Variants in DIAPH3 observed in about 807,000 individuals in gnomAD.
DIAPH3 encodes the protein protein diaphanous homolog 3.
DIAPH3 carries 117 observed loss-of-function variants against 144.3 expected under a neutral mutation model. The observed-to-expected ratio is 0.81, with a 90% CI of 0.70 to 0.95. The LOEUF is 0.95. DIAPH3 is among the 40% of genes least tolerant of loss of function. DIAPH3 has a pLI of 0.00. For synonymous variants in DIAPH3, 519 were observed against 488.9 expected (o/e 1.06, Z -0.81); for missense variants, 1,421 against 1,412.7 (o/e 1.01, Z -0.09).
rs1258027390 is a variant in DIAPH3, at chr13:59,999,439, T to G, written c.1015-6856A>C. Among the ~76,000 whole-genome samples the G allele has an allele frequency of 3.3e-5, 5 of 152,178 alleles. No homozygotes were observed. In the East Asian group the frequency reaches 9.6e-4, roughly 29 times the overall value. Reference sequence around the variant, plus strand: ...ATGAAATCCACAGATTGAAGAGTTTTTTTTTAAGTTAAGGAAAAATTTAAC... The same window carrying G: ...ATGAAATCCACAGATTGAAGAGTTTGTTTTTAAGTTAAGGAAAAATTTAAC... On this transcript the variant is annotated intron_variant, in intron 9 of 27. Transcript: ENST00000400324.
At chr13:59,806,536 A>G (rs920859963) in intron 25 of DIAPH3, among the ~76,000 whole-genome samples, 6 of 152,020 alleles carry the variant, frequency 3.9e-5, no homozygotes, top group African/African-American at 1.4e-4. Context: ...CTCTGAGACC[A>G]AATTTTGTTA....
chr13:59,911,648 C>G, intron 20 of DIAPH3, 87 bp downstream of exon 20: 1 of 1,000,232 alleles, frequency 1.0e-6, no homozygotes, highest in Non-Finnish European at 1.6e-6. Flanking sequence ...TACTCACATG[C>G]TTTTTTACAT....
rs76177080 is a variant in DIAPH3 at position 60,113,018 on chromosome 13, T to C, written c.214-832A>G. The stretch of plus-strand genomic sequence containing the variant: ...CTTAAGCTGAACCAGGCATCAAGAA[T>C]AGAAGTATACTCAAACAGCACAGTG... On this transcript the variant is annotated intron_variant, in intron 2 of 27. Coordinates refer to ENST00000400324, the MANE Select transcript of DIAPH3 (RefSeq NM_001042517.2). 3.5e-4 allele frequency among the ~76,000 whole-genome samples: 54 copies of C among 152,306 alleles called. No individual in the cohort carries two copies. In the East Asian group the frequency reaches 7.7e-3, roughly 22 times the overall value.
chr13:59,927,952 T>C (rs930690227), intron 17 of DIAPH3, among the ~76,000 whole-genome samples: 1 of 152,204 alleles, frequency 6.6e-6, no homozygotes, highest in Non-Finnish European at 1.5e-5. Flanking sequence ...AGTTTTCAGC[T>C]ATTATTTCAT....
intron 24 of DIAPH3, among the ~76,000 whole-genome samples, chr13:59,824,399 C>A (rs1037266247): frequency 6.6e-6 from 1 of 152,020 alleles, no homozygotes; most frequent in African/African-American, 2.4e-5. Context: ...CTACAGAGAC[C>A]GGACTCAACT....
intron 4 of DIAPH3, among the ~76,000 whole-genome samples, chr13:60,089,828 G>A (rs917113837): frequency 1.2e-4 from 18 of 152,310 alleles, no homozygotes; most frequent in East Asian, 3.9e-4. Context: ...TGAGGGGAGC[G>A]TCTTAAGGAT....
At chr13:59,676,570 G>T (rs527243502) in intron 27 of DIAPH3, among the ~76,000 whole-genome samples, 1 of 152,268 alleles carries the variant, frequency 6.6e-6, no homozygotes, top group South Asian at 2.1e-4. Context: ...TTCAGTGAGG[G>T]TTTAGCCCAC....
chr13:59,824,115 C>T (rs548532165), intron 24 of DIAPH3, among the ~76,000 whole-genome samples: 2 of 152,060 alleles, frequency 1.3e-5, no homozygotes, highest in South Asian at 4.1e-4. Context: ...ACATGTGAAA[C>T]AGGTAGCTAT....
intron 26 of DIAPH3, 76 bp from the exon 27 acceptor site, chr13:59,774,324 C>T (rs78933251): frequency 3.2e-6 from 4 of 1,251,934 alleles, no homozygotes; most frequent in Non-Finnish European, 4.5e-6. Flanking sequence ...ATTAGACATA[C>T]TTTTTTCCAA....
chr13:59,816,701 G>A (rs926068798), intron 24 of DIAPH3, among the ~76,000 whole-genome samples: 7 of 151,510 alleles, frequency 4.6e-5, no homozygotes, highest in Non-Finnish European at 8.9e-5. Context: ...AAGTCTTTCT[G>A]ATAAAAGTTA....
chr13:59,744,320 A>G lies in DIAPH3; in HGVS notation c.3319+29869T>C, dbSNP rs557774035. Among the ~76,000 whole-genome samples, 4 of 152,184 alleles carry G rather than the reference A, an allele frequency of 2.6e-5. No individual in the cohort carries two copies. The South Asian group carries it at 6.2e-4, about 24-fold the overall frequency. On this transcript the variant is annotated intron_variant, in intron 27 of 27. Coordinates refer to ENST00000400324, the MANE Select transcript of DIAPH3 (RefSeq NM_001042517.2). ...AGGTGACATTATGAGTAGAAATAAT[A>G]TCCACCAAGTTCAGTTAATACATAC... is the stretch of plus-strand genomic sequence containing the variant.
intron 21 of DIAPH3, among the ~76,000 whole-genome samples, chr13:59,861,817 A>G (rs1387146919): frequency 6.6e-6 from 1 of 152,206 alleles, no homozygotes; most frequent in Non-Finnish European, 1.5e-5. Flanking sequence ...AGAGTAACCT[A>G]TGAGTCTATT....
intron 5 of DIAPH3, among the ~76,000 whole-genome samples, chr13:60,017,748 A>G (rs546476719): frequency 6.6e-6 from 1 of 152,204 alleles, no homozygotes. Context: ...CCATGAAATA[A>G]CTAATTTTTA....
At chr13:59,940,045 G>A (rs2048452446) in intron 17 of DIAPH3, among the ~76,000 whole-genome samples, 1 of 152,014 alleles carries the variant, frequency 6.6e-6, no homozygotes, top group African/African-American at 2.4e-5. Flanking sequence ...CTTATAAAAT[G>A]AAAATCTCCC....
intron 17 of DIAPH3, among the ~76,000 whole-genome samples, chr13:59,962,473 T>C (rs9538537): frequency 0.55 from 84,069 of 152,024 alleles, 23,776 homozygotes; most frequent in Admixed American, 0.6. Context: ...AGGCTTCAAG[T>C]TGTTAGCACC....
intron 4 of DIAPH3, among the ~76,000 whole-genome samples, chr13:60,080,485 A>G (rs2057519005): frequency 6.6e-6 from 1 of 151,924 alleles, no homozygotes; most frequent in South Asian, 2.1e-4. Context: ...GTTACATTTT[A>G]AAATAATAAT....
intron 27 of DIAPH3, among the ~76,000 whole-genome samples, chr13:59,770,032 T>C (rs190418272): frequency 1.3e-5 from 2 of 152,194 alleles, no homozygotes; most frequent in East Asian, 3.9e-4. Context: ...ATTTAATAAG[T>C]AGCCCTCCAC....
At chr13:59,811,291 C>T (rs1038408023) in intron 24 of DIAPH3, among the ~76,000 whole-genome samples, 47 of 152,130 alleles carry the variant, frequency 3.1e-4, no homozygotes, top group African/African-American at 1.1e-3. Flanking sequence ...TTAGGGTTTT[C>T]CACATCTTCT....
chr13:59,668,286 A>T (rs1487230486), intron 27 of DIAPH3, among the ~76,000 whole-genome samples: 1 of 152,206 alleles, frequency 6.6e-6, no homozygotes, highest in Non-Finnish European at 1.5e-5. Flanking sequence ...TCTGTCCCAA[A>T]GAATGCTTGA....
Sources: allele counts gnomAD v4.1 joint callset (sites outside exome capture counted in the v4.1 genomes callset), GRCh38; gene constraint gnomAD v4.1.1; transcripts MANE v1.5; gene names NCBI Gene and HGNC (gene_info 2026-07-23, HGNC 2026-07-21).